Variants in DOCK8 observed in about 807,000 individuals in gnomAD.
DOCK8 encodes the protein dedicator of cytokinesis 8.
In DOCK8, 141 loss-of-function variants were observed where a neutral mutation model predicts 245.6. The observed-to-expected ratio is 0.57, with a 90% CI of 0.50 to 0.66. The LOEUF (loss-of-function observed/expected upper bound fraction) is 0.66. DOCK8 is among the 30% of genes least tolerant of loss of function. The pLI is 0.00. For synonymous variants in DOCK8, 1,168 were observed against 970.2 expected (o/e 1.20, Z -3.79); for missense variants, 2,965 against 2,603.4 (o/e 1.14, Z -3.02).
intron 40 of DOCK8, among the ~76,000 whole-genome samples, chr9:439,767 G>GA (rs548997965): frequency 8.6e-5 from 13 of 152,026 alleles, no homozygotes; most frequent in African/African-American, 2.7e-4. Context: ...CTCTCAGAGA[G>GA]AAAAAAATTA....
chr9:420,903 G>A (rs776616676), intron 31 of DOCK8, 46 bp from the exon 32 acceptor site: 14 of 1,613,450 alleles, frequency 8.7e-6, no homozygotes, highest in East Asian at 4.5e-5. Context: ...CCCCATCAAC[G>A]GAGATCTCAC....
At chr9:403,886 CTCTCTCTATA>C (rs1338187202) in intron 26 of DOCK8, among the ~76,000 whole-genome samples, 8 of 89,370 alleles carry the variant, frequency 9.0e-5, no homozygotes, top group African/African-American at 3.9e-4. Flanking sequence ...CTCTCTCTCT[CTCTCTCTATA>C]TATATATATA....
intron 1 of DOCK8, among the ~76,000 whole-genome samples, chr9:222,560 G>A (rs1231700777): frequency 6.6e-6 from 1 of 152,090 alleles, no homozygotes; most frequent in East Asian, 1.9e-4. Flanking sequence ...TTATTTGCCA[G>A]TGTTGACCTC....
chr9:250,699 ATAG>A (rs914480799), intron 1 of DOCK8, among the ~76,000 whole-genome samples: 1 of 152,230 alleles, frequency 6.6e-6, no homozygotes, highest in Admixed American at 6.5e-5. Context: ...GGATGATCAA[ATAG>A]TAGAGTTGAT....
intron 1 of DOCK8, among the ~76,000 whole-genome samples, chr9:251,732 T>C (rs1563841990): frequency 6.6e-6 from 1 of 152,088 alleles, no homozygotes; most frequent in Non-Finnish European, 1.5e-5. Flanking sequence ...CCTCATAGAG[T>C]TGTTGTGAGG....
chr9:424,287 T>G (rs577064410), intron 33 of DOCK8, among the ~76,000 whole-genome samples: 1 of 151,602 alleles, frequency 6.6e-6, no homozygotes, highest in African/African-American at 2.4e-5. Context: ...CACCCTAGAC[T>G]ACTTCAATTG....
intron 10 of DOCK8, among the ~76,000 whole-genome samples, chr9:333,396 T>C (rs1207215983): frequency 1.3e-5 from 2 of 152,130 alleles, no homozygotes; most frequent in African/African-American, 2.4e-5. Flanking sequence ...GGTCAGAAGA[T>C]TGAGACCATC....
chr9:413,180 T>C (rs2131592251), intron 28 of DOCK8, among the ~76,000 whole-genome samples: 1 of 152,294 alleles, frequency 6.6e-6, no homozygotes, highest in Admixed American at 6.5e-5. Context: ...TTTCAATAAA[T>C]GGTGTTGGGA....
intron 2 of DOCK8, chr9:280,941 C>G (rs1466570381): frequency 6.6e-6 from 1 of 152,204 alleles, no homozygotes; most frequent in Non-Finnish European, 1.5e-5. Context: ...CATTTGCAGT[C>G]TTAAGTATTT....
Position 292,107 on chromosome 9 carries a change from A to C in DOCK8, c.404+2526A>C, listed in dbSNP as rs535853821. On this transcript the variant is annotated intron_variant, in intron 4 of 47. Coordinates refer to ENST00000432829, the MANE Select transcript of DOCK8 (RefSeq NM_203447.4). ...AAAAAAAAAGCCAGGCACGGTGCTCATGCCTGTAATCCCAGCACTTTGGGA... is the reference window on the plus strand; with the variant it reads ...AAAAAAAAAGCCAGGCACGGTGCTCCTGCCTGTAATCCCAGCACTTTGGGA... 6.9e-4 allele frequency among the ~76,000 whole-genome samples: 101 copies of C among 145,986 alleles called. 1 individual carries two copies. Among genetic ancestry groups the C allele is most frequent in the African/African-American group, 2.4e-3 (97 of 39,664 alleles).
At chr9:319,845 ATTT>A (rs2050508967) in intron 7 of DOCK8, among the ~76,000 whole-genome samples, 1 of 152,194 alleles carries the variant, frequency 6.6e-6, no homozygotes, top group African/African-American at 2.4e-5. Flanking sequence ...ATGGAGAAAT[ATTT>A]TAAGATTTAA....
intron 4 of DOCK8, among the ~76,000 whole-genome samples, chr9:302,037 G>A (rs538922144): frequency 7.3e-5 from 11 of 150,604 alleles, no homozygotes; most frequent in Non-Finnish European, 1.3e-4. Flanking sequence ...AACCTGAATA[G>A]CCAAAGCAAT....
At chr9:355,520 G>A (rs2052393441) in intron 14 of DOCK8, among the ~76,000 whole-genome samples, 1 of 151,582 alleles carries the variant, frequency 6.6e-6, no homozygotes, top group Non-Finnish European at 1.5e-5. Context: ...TGTATTTCTA[G>A]GACATCTGCA....
At position 306,594 on chromosome 9, in the gene DOCK8, A is replaced by T. The variant is rs1449472166; in HGVS notation, c.528+1890A>T. On this transcript the variant is annotated intron_variant, in intron 5 of 47. Transcript: ENST00000432829. ...TCGTCATTATGGGAAACAGCACACC[A>T]GCCTGGGGCTGGGGTATACGGCAGT... 2.6e-5 allele frequency among the ~76,000 whole-genome samples: 4 copies of T among 152,210 alleles called. No homozygotes were observed. In the South Asian group the frequency reaches 6.2e-4, roughly 24 times the overall value.
chr9:448,119 C>G (rs1220415727), intron 44 of DOCK8, among the ~76,000 whole-genome samples: 2 of 151,898 alleles, frequency 1.3e-5, no homozygotes, highest in African/African-American at 4.8e-5. Context: ...ATTTTTGAGA[C>G]AGGATCTTCC....
At chr9:410,574 C>T (rs1436989137) in intron 28 of DOCK8, among the ~76,000 whole-genome samples, 6 of 152,198 alleles carry the variant, frequency 3.9e-5, no homozygotes, top group Admixed American at 3.3e-4. Context: ...TAAATACAGC[C>T]TATTTTTTAT....
rs761877117 is a variant in DOCK8, at chr9:339,111, T to G, written c.1516+12T>G. On this transcript the variant is annotated intron_variant, in intron 13 of 47. Coordinates refer to ENST00000432829, the MANE Select transcript of DOCK8 (RefSeq NM_203447.4). Reference sequence around the variant, plus strand: ...CAAGTCAATTCCAGGTGTGAATGACTTATCTTTATCCTCTTTAGCTGTGCC... The same window carrying G: ...CAAGTCAATTCCAGGTGTGAATGACGTATCTTTATCCTCTTTAGCTGTGCC... 6.2e-7 allele frequency: 1 copy of G among 1,610,476 alleles called. No individual in the cohort carries two copies. The highest frequency in any genetic ancestry group is 1.7e-5 in the Admixed American group (1 of 60,032).
At chr9:287,060 C>T (rs966910187) in intron 3 of DOCK8, among the ~76,000 whole-genome samples, 12 of 152,162 alleles carry the variant, frequency 7.9e-5, no homozygotes, top group Admixed American at 3.3e-4. Context: ...TAATTGCTTA[C>T]AGTTATGAGA....
chr9:212,595 G>A (rs1270519120), upstream of DOCK8, among the ~76,000 whole-genome samples: 1 of 152,212 alleles, frequency 6.6e-6, no homozygotes, highest in Non-Finnish European at 1.5e-5. Context: ...CTAAATTAAT[G>A]GATAACACAT....
Sources: gnomAD v4.1 joint callset for allele counts (sites outside exome capture counted in the v4.1 genomes callset) on GRCh38, gnomAD v4.1.1 for gene constraint, MANE v1.5 for transcripts, NCBI Gene and HGNC (gene_info 2026-07-23, HGNC 2026-07-21) for gene names.